Variants in RUNDC3B observed in about 807,000 individuals in gnomAD.
The protein encoded by RUNDC3B is RUN domain-containing protein 3B.
A neutral mutation model predicts 58.4 loss-of-function variants in RUNDC3B; 33 were observed. That is an observed-to-expected ratio of 0.56 (90% CI 0.43 to 0.75). The LOEUF (loss-of-function observed/expected upper bound fraction) is 0.75, where lower values mean the gene tolerates loss of function less well. Among genes scored for constraint, RUNDC3B ranks in the 30% least tolerant of loss-of-function variants. The pLI is 0.00. For missense variants in RUNDC3B, 501 were observed against 535.7 expected, an observed-to-expected ratio of 0.94 and a Z score of 0.64; for synonymous variants, 193 against 195.2, an observed-to-expected ratio of 0.99 and a Z score of 0.10.
chr7:87,787,541 G>T (rs1158607066), intron 8 of RUNDC3B, among the ~76,000 whole-genome samples: 1 of 151,994 alleles, frequency 6.6e-6, no homozygotes, highest in African/African-American at 2.4e-5. Flanking sequence ...TGATTATGTC[G>T]TTGAATACTC....
Position 87,809,217 on chromosome 7 carries a change from T to G in RUNDC3B, c.1103+1698T>G, listed in dbSNP as rs1414912976. Among the ~76,000 whole-genome samples, 9 of 152,294 alleles carry G rather than the reference T, an allele frequency of 5.9e-5. No homozygotes were observed. In the East Asian group the frequency reaches 1.7e-3, roughly 29 times the overall value. The stretch of plus-strand genomic sequence containing the variant: ...CATCTGTTTAGCATGGATCTAGATT[T>G]TATACTTCTTGACTCAGTTATTCCA... On this transcript the variant is annotated intron_variant, in intron 9 of 10. Coordinates refer to ENST00000394654, the MANE Select transcript of RUNDC3B (RefSeq NM_001134405.2).
At chr7:87,761,466 A>C (rs1833678817) in intron 6 of RUNDC3B, among the ~76,000 whole-genome samples, 1 of 151,948 alleles carries the variant, frequency 6.6e-6, no homozygotes, top group Admixed American at 6.6e-5. Flanking sequence ...CTTCTCCTAG[A>C]TATCAATTCT....
intron 8 of RUNDC3B, among the ~76,000 whole-genome samples, chr7:87,781,607 G>C (rs1448262231): frequency 6.6e-6 from 1 of 152,044 alleles, no homozygotes; most frequent in African/African-American, 2.4e-5. Context: ...TCAGTATGAT[G>C]TTGGCTGTGG....
At chr7:87,685,747 A>C (rs1307188116) in intron 2 of RUNDC3B, among the ~76,000 whole-genome samples, 8 of 152,188 alleles carry the variant, frequency 5.3e-5, no homozygotes, top group Admixed American at 5.2e-4. Context: ...TGTGTCTCAT[A>C]ATCATGGTTA....
intron 4 of RUNDC3B, among the ~76,000 whole-genome samples, chr7:87,723,107 A>G (rs1220551683): frequency 6.6e-6 from 1 of 152,220 alleles, no homozygotes; most frequent in African/African-American, 2.4e-5. Context: ...ATGAAACATA[A>G]AAGTAGGAGA....
At chr7:87,708,958 C>A (rs533221400) in intron 3 of RUNDC3B, among the ~76,000 whole-genome samples, 1 of 152,260 alleles carries the variant, frequency 6.6e-6, no homozygotes, top group South Asian at 2.1e-4. Context: ...TTTTATGGAT[C>A]ACCCTTATCA....
intron 4 of RUNDC3B, among the ~76,000 whole-genome samples, chr7:87,735,020 G>T (rs888695684): frequency 2.0e-5 from 3 of 151,546 alleles, no homozygotes; most frequent in African/African-American, 7.3e-5. Flanking sequence ...CTGGAGTTTC[G>T]TCCATTCCCC....
chr7:87,778,327 C>T (rs1193670622), intron 8 of RUNDC3B, among the ~76,000 whole-genome samples: 1 of 151,484 alleles, frequency 6.6e-6, no homozygotes, highest in Non-Finnish European at 1.5e-5. Flanking sequence ...TCTATAGTCC[C>T]AGCTACTCAG....
intron 2 of RUNDC3B, among the ~76,000 whole-genome samples, chr7:87,662,223 T>G (rs1325658566): frequency 1.3e-5 from 2 of 152,154 alleles, no homozygotes; most frequent in Non-Finnish European, 2.9e-5. Flanking sequence ...TTGTTGATTG[T>G]TTACTTTGCA....
At chr7:87,706,286 G>GA (rs1829578327) in intron 3 of RUNDC3B, among the ~76,000 whole-genome samples, 1 of 149,286 alleles carries the variant, frequency 6.7e-6, no homozygotes, top group African/African-American at 2.5e-5. Flanking sequence ...CTACTTGAGA[G>GA]TTTTTTTTTT....
chr7:87,664,598 A>C (rs1463403113), intron 2 of RUNDC3B, among the ~76,000 whole-genome samples: 1 of 152,170 alleles, frequency 6.6e-6, no homozygotes, highest in Non-Finnish European at 1.5e-5. Context: ...ATTTAAAAGT[A>C]TGATGTCTGA....
intron 6 of RUNDC3B, among the ~76,000 whole-genome samples, chr7:87,744,982 A>G (rs1338138617): frequency 6.6e-6 from 1 of 152,188 alleles, no homozygotes; most frequent in South Asian, 2.1e-4. Context: ...ACATCAAGGT[A>G]GGTCCCTTGT....
At chr7:87,672,239 A>T (rs1261934319) in intron 2 of RUNDC3B, among the ~76,000 whole-genome samples, 1 of 152,206 alleles carries the variant, frequency 6.6e-6, no homozygotes, top group Non-Finnish European at 1.5e-5. Flanking sequence ...AGGATCAGGT[A>T]CCTGCTTAAA....
chr7:87,718,916 A>G (rs186198797), intron 4 of RUNDC3B, among the ~76,000 whole-genome samples: 274 of 152,228 alleles, frequency 1.8e-3, no homozygotes, highest in African/African-American at 6.4e-3. Flanking sequence ...CAAAAAGGAA[A>G]GCTATTTATA....
intron 5 of RUNDC3B, 52 bp from the exon 6 acceptor site, chr7:87,741,447 T>C (rs1400858870): frequency 9.7e-7 from 1 of 1,027,156 alleles, no homozygotes; most frequent in Non-Finnish European, 1.4e-6. Context: ...AACTTAACTT[T>C]GATTTAAAAT....
chr7:87,672,431 G>A (rs1031910904), intron 2 of RUNDC3B, among the ~76,000 whole-genome samples: 16 of 152,262 alleles, frequency 1.1e-4, no homozygotes, highest in South Asian at 2.1e-4. Flanking sequence ...TGCTGCTACC[G>A]GTGGCTGGGT....
rs12670317 is a variant in RUNDC3B, at chr7:87,696,809, T to G, written c.239-3612T>G. Among the ~76,000 whole-genome samples the G allele has an allele frequency of 7.8e-3, 1,185 of 152,292 alleles. 11 individuals are homozygous for G. Among genetic ancestry groups the G allele is most frequent in the East Asian group, 0.049 (255 of 5,184 alleles). ...ATATGCCGTCCTGTCAATTGCTTAG[T>G]TTCTCAGTTTGTAATCTGGGAAATC... is the stretch of plus-strand genomic sequence containing the variant. On this transcript the variant is annotated intron_variant, in intron 2 of 10. Coordinates refer to ENST00000394654, the MANE Select transcript of RUNDC3B (RefSeq NM_001134405.2).
intron 8 of RUNDC3B, among the ~76,000 whole-genome samples, chr7:87,781,301 G>A (rs181451022): frequency 5.6e-5 from 8 of 143,980 alleles, no homozygotes; most frequent in Non-Finnish European, 9.5e-5. Context: ...CGTTATTGGT[G>A]TATAGAAGTA....
intron 6 of RUNDC3B, among the ~76,000 whole-genome samples, chr7:87,741,930 T>C (rs914937864): frequency 6.6e-6 from 1 of 152,220 alleles, no homozygotes; most frequent in Admixed American, 6.5e-5. Flanking sequence ...CCATTTTTTC[T>C]CATAAAAAAG....
Sources: allele counts gnomAD v4.1 joint callset (sites outside exome capture counted in the v4.1 genomes callset), GRCh38; gene constraint gnomAD v4.1.1; transcripts MANE v1.5; gene names NCBI Gene and HGNC (gene_info 2026-07-23, HGNC 2026-07-21).